Variants in CTNNA2 observed in about 807,000 individuals in gnomAD.
The protein encoded by CTNNA2 is catenin alpha-2.
In CTNNA2, 42 loss-of-function variants were observed where a neutral mutation model predicts 101.0. The ratio of observed to expected loss-of-function variants is 0.42; its 90% confidence interval spans 0.32 to 0.54. The LOEUF is 0.54. Among genes scored for constraint, CTNNA2 ranks in the 20% least tolerant of loss-of-function variants. CTNNA2 has a pLI of 0.14. For synonymous variants in CTNNA2, 450 were observed against 456.4 expected (o/e 0.99, Z 0.18); for missense variants, 871 against 1,223.1 (o/e 0.71, Z 4.29).
chr2:79,254,395 T>C (rs1674814708), intron 2 of CTNNA2, among the ~76,000 whole-genome samples: 1 of 152,088 alleles, frequency 6.6e-6, no homozygotes, highest in African/African-American at 2.4e-5. Context: ...CACCATCCTT[T>C]CCTGGTACTG....
At position 79,556,434 on chromosome 2, in the gene CTNNA2, A is replaced by G. The variant is rs1382922017; in HGVS notation, c.-6+43227A>G. 2.6e-5 allele frequency among the ~76,000 whole-genome samples: 4 copies of G among 152,184 alleles called. No individual in the cohort carries two copies. The South Asian group carries it at 8.3e-4, about 32-fold the overall frequency. Reference sequence around the variant, plus strand: ...CTAGCACTTTTATTCTTGGTTCACCATGTATATGAAAAGAGGAAGATGTAG... The same window carrying G: ...CTAGCACTTTTATTCTTGGTTCACCGTGTATATGAAAAGAGGAAGATGTAG... On this transcript the variant is annotated intron_variant, in intron 1 of 18. Transcript: ENST00000402739.
Position 80,302,929 on chromosome 2 carries a change from G to A in CTNNA2, c.1057-90282G>A, listed in dbSNP as rs1269341395. 6.2e-7 allele frequency: 1 copy of A among 1,613,950 alleles called. No individual in the cohort carries two copies. The highest frequency in any genetic ancestry group is 8.5e-7 in the Non-Finnish European group (1 of 1,180,034). On this transcript the variant is annotated intron_variant, in intron 7 of 18. Transcript: ENST00000402739. This position sits in a 1 kb window ranked among gnomAD's most constrained non-coding sequence, Gnocchi z 6.4. The stretch of plus-strand genomic sequence containing the variant: ...GGGACTTCCAAGAGTTGAGGATCCG[G>A]GGCTCGATGTAGGTGAGGCGGTTGG...
At chr2:80,359,014 T>C (rs936068152) in intron 7 of CTNNA2, among the ~76,000 whole-genome samples, 14 of 152,212 alleles carry the variant, frequency 9.2e-5, no homozygotes, top group African/African-American at 3.4e-4. Context: ...GAATTGAACA[T>C]TTTTATTGAT....
chr2:79,433,624 GAAAAAAAAAA>G (rs200656588), intron 4 of CTNNA2, among the ~76,000 whole-genome samples: 1 of 95,696 alleles, frequency 1.0e-5, no homozygotes, highest in Admixed American at 1.1e-4. Flanking sequence ...TGCCTTTGAG[GAAAAAAAAAA>G]AAAAAAAAAA....
intron 7 of CTNNA2, among the ~76,000 whole-genome samples, chr2:80,012,981 T>C (rs900394268): frequency 3.9e-5 from 6 of 152,066 alleles, no homozygotes; most frequent in African/African-American, 1.4e-4. Context: ...CTGGGCAACA[T>C]AATGAGACTC....
chr2:79,869,788 A>G lies in CTNNA2; in HGVS notation c.466-28A>G, dbSNP rs1682445406. The G allele has an allele frequency of 2.5e-6, 4 of 1,603,482 alleles. No homozygotes were observed. In the African/African-American group the frequency reaches 4.0e-5, roughly 16 times the overall value. The stretch of plus-strand genomic sequence containing the variant: ...AATAATATTTAAATACTATCCACTA[A>G]TAAATATGTTGTTTTTCACCACTGC... On this transcript the variant is annotated intron_variant, in intron 4 of 18. Transcript: ENST00000402739.
chr2:79,490,264 G>C (rs1294811685), intron 4 of CTNNA2, among the ~76,000 whole-genome samples: 3 of 152,056 alleles, frequency 2.0e-5, no homozygotes, highest in Admixed American at 6.6e-5. Context: ...CATATTCTTT[G>C]GCCCTGTGCC....
intron 7 of CTNNA2, among the ~76,000 whole-genome samples, chr2:79,997,955 G>T (rs905486949): frequency 3.9e-5 from 6 of 152,150 alleles, no homozygotes; most frequent in Non-Finnish European, 8.8e-5. Flanking sequence ...AGGCTGCTTA[G>T]AATAGACAGC....
intron 7 of CTNNA2, among the ~76,000 whole-genome samples, chr2:80,323,170 G>T (rs1421235594): frequency 1.3e-5 from 2 of 152,136 alleles, no homozygotes; most frequent in African/African-American, 4.8e-5. Flanking sequence ...GTAGCTCAGT[G>T]GGGTTCCCAA....
In CTNNA2 at chr2:79,469,065, C is replaced by T. The variant is rs1028449925; in HGVS notation, c.-134-35989C>T. Among the ~76,000 whole-genome samples the T allele has an allele frequency of 7.9e-5, 12 of 152,002 alleles. No homozygotes were observed. In the East Asian group the frequency reaches 1.4e-3, roughly 17 times the overall value. ...TGAAGGAGACAGAGACACAAAAAAC[C>T]CTTCAAAAATCAATGAATCCAGGAG... On this transcript the variant is annotated intron_variant, in intron 4 of 21. Coordinates refer to the CTNNA2 transcript ENST00000466387.
intron 7 of CTNNA2, among the ~76,000 whole-genome samples, chr2:80,332,450 A>C (rs1321264124): frequency 6.6e-6 from 1 of 152,178 alleles, no homozygotes; most frequent in Non-Finnish European, 1.5e-5. Flanking sequence ...TGATTGTGAA[A>C]AGGCAAGTGA....
chr2:80,573,758 T>C (rs1347075610), intron 12 of CTNNA2, among the ~76,000 whole-genome samples: 1 of 152,124 alleles, frequency 6.6e-6, no homozygotes, highest in Admixed American at 6.5e-5. Flanking sequence ...GAAGTAGAAT[T>C]TTATTACATT....
At chr2:79,349,045 A>G (rs1014957609) in intron 3 of CTNNA2, among the ~76,000 whole-genome samples, 10 of 152,234 alleles carry the variant, frequency 6.6e-5, no homozygotes, top group African/African-American at 2.4e-4. Flanking sequence ...TGATATGCAA[A>G]GTGGAAATTC....
chr2:80,381,142 C>T (rs980770280), intron 7 of CTNNA2, among the ~76,000 whole-genome samples: 1 of 151,790 alleles, frequency 6.6e-6, no homozygotes, highest in Admixed American at 6.6e-5. Flanking sequence ...CCTTCGTGTT[C>T]AGGAGGTGGT....
At chr2:79,310,215 T>C (rs1247702555) in intron 2 of CTNNA2, among the ~76,000 whole-genome samples, 1 of 152,186 alleles carries the variant, frequency 6.6e-6, no homozygotes, top group East Asian at 1.9e-4. Context: ...TTTCACTGTA[T>C]TAGTCGGAAC....
chr2:80,323,886 T>A (rs1363573247), intron 7 of CTNNA2, among the ~76,000 whole-genome samples: 1 of 152,112 alleles, frequency 6.6e-6, no homozygotes, highest in Non-Finnish European at 1.5e-5. Context: ...TAGAGTTCAG[T>A]ATGAAAAAAC....
chr2:79,698,410 G>C (rs1232882779), intron 2 of CTNNA2, among the ~76,000 whole-genome samples: 2 of 151,996 alleles, frequency 1.3e-5, no homozygotes, highest in Admixed American at 6.6e-5. Flanking sequence ...TACTTTCACT[G>C]TATGTGACCA....
intron 3 of CTNNA2, among the ~76,000 whole-genome samples, chr2:79,795,249 C>T (rs1387748706): frequency 1.3e-5 from 2 of 151,922 alleles, no homozygotes; most frequent in Non-Finnish European, 2.9e-5. Context: ...ACTTTTCTTG[C>T]CTTCATTTCA....
chr2:79,550,295 T>C (rs1028834256), intron 1 of CTNNA2, among the ~76,000 whole-genome samples: 3 of 152,208 alleles, frequency 2.0e-5, no homozygotes, highest in Admixed American at 2.0e-4. Flanking sequence ...ACTTCGGACC[T>C]TTAAATTGAG....
Sources: gnomAD v4.1 joint callset for allele counts (sites outside exome capture counted in the v4.1 genomes callset) on GRCh38, gnomAD v4.1.1 for gene constraint, Gnocchi (gnomAD v3.1) non-coding constraint, MANE v1.5 for transcripts, NCBI Gene and HGNC (gene_info 2026-07-23, HGNC 2026-07-21) for gene names.